Variants in PARVB observed in about 807,000 individuals in gnomAD.
The protein encoded by PARVB is parvin beta.
Under a neutral mutation model 47.0 loss-of-function variants are expected in PARVB, and 46 were observed. The observed-to-expected ratio is 0.98, with a 90% CI of 0.77 to 1.25. The LOEUF (loss-of-function observed/expected upper bound fraction) is 1.25, where lower values mean the gene tolerates loss of function less well. Among genes scored for constraint, PARVB ranks in the 50% most tolerant of loss-of-function variants. The pLI, the probability that PARVB is intolerant of heterozygous loss-of-function variation, is 0.00. For missense variants in PARVB, 473 were observed against 471.6 expected (o/e 1.00, Z -0.03); for synonymous variants, 196 against 196.3 (o/e 1.00, Z 0.01).
chr22:44,066,804 C>CCTCCTTCTCCTCCTCCTCCTT (rs745683370), intron 1 of PARVB, among the ~76,000 whole-genome samples: 2 of 131,086 alleles, frequency 1.5e-5, no homozygotes, highest in East Asian at 2.7e-4. Flanking sequence ...TCCTCCTCCT[C>CCTCCTTCTCCTCCTCCTCCTT]CTCCTCCTCC....
intron 4 of PARVB, among the ~76,000 whole-genome samples, chr22:44,127,983 G>C (rs1252252470): frequency 6.6e-6 from 1 of 152,104 alleles, no homozygotes; most frequent in Non-Finnish European, 1.5e-5. Context: ...CTGAGGTTTT[G>C]CCATGTTGCC....
chr22:44,147,277 C>A, intron 8 of PARVB: 1 of 211,764 alleles, frequency 4.7e-6, no homozygotes. Context: ...TGATAAGAAG[C>A]AGTTGGAGGG....
chr22:44,027,611 G>A (rs2050751876), intron 1 of PARVB, among the ~76,000 whole-genome samples: 1 of 152,168 alleles, frequency 6.6e-6, no homozygotes, highest in African/African-American at 2.4e-5. Context: ...AAATATGTAT[G>A]TGTGGGCCAG....
intron 11 of PARVB, 139 bp from the exon 12 acceptor site, chr22:44,163,719 G>A (rs995614275): frequency 6.2e-6 from 4 of 640,674 alleles, no homozygotes; most frequent in South Asian, 2.4e-5. Flanking sequence ...CCTGTGGCCC[G>A]CCCCGGGCTC....
intron 1 of PARVB, among the ~76,000 whole-genome samples, chr22:44,059,158 G>A (rs76833945): frequency 0.018 from 2,677 of 148,186 alleles, 48 homozygotes; most frequent in South Asian, 0.077. Flanking sequence ...CGATTCTTCT[G>A]CCTCAGCCTC....
intron 4 of PARVB, among the ~76,000 whole-genome samples, chr22:44,120,712 G>A (rs2053025940): frequency 6.8e-6 from 1 of 146,806 alleles, no homozygotes; most frequent in African/African-American, 2.8e-5. Flanking sequence ...ATCTCACTCA[G>A]TTGCCCAGGC....
At chr22:44,056,716 G>A (rs1382006407) in intron 1 of PARVB, among the ~76,000 whole-genome samples, 3 of 150,160 alleles carry the variant, frequency 2.0e-5, no homozygotes, top group African/African-American at 4.9e-5. Flanking sequence ...ATGTTGCCCA[G>A]GGTGGCCTCG....
Position 44,119,656 on chromosome 22 carries a change from G to A in PARVB, c.376+516G>A, listed in dbSNP as rs1470896668. ...GGTTTGATGTGCAGACAAACCGGTT[G>A]TTTATTCATCAGATGTTGGATGAGT... On this transcript the variant is annotated intron_variant, in intron 4 of 12. Coordinates refer to ENST00000338758, the MANE Select transcript of PARVB (RefSeq NM_013327.5). The A allele has an allele frequency of 6.9e-6, 3 of 435,202 alleles. No homozygotes were observed. The Admixed American group carries it at 7.4e-5, about 11-fold the overall frequency. The allele number at this position is 435,202 out of a possible 1,614,324, so 27.0% of individuals were successfully genotyped here. A position where few individuals can be genotyped will look rare whatever the true frequency, so the allele number is the denominator to read the frequency against.
chr22:44,046,539 G>A (rs1323946437), intron 1 of PARVB, among the ~76,000 whole-genome samples: 1 of 152,220 alleles, frequency 6.6e-6, no homozygotes, highest in Non-Finnish European at 1.5e-5. Context: ...CTCTCCTGTG[G>A]TTACTTGGCA....
chr22:44,137,081 G>T (rs1464855019), intron 7 of PARVB, among the ~76,000 whole-genome samples: 1 of 152,246 alleles, frequency 6.6e-6, no homozygotes, highest in Non-Finnish European at 1.5e-5. Context: ...AGAATTCACT[G>T]CATTTGTGCC....
intron 1 of PARVB, among the ~76,000 whole-genome samples, chr22:44,026,621 C>T (rs80029111): frequency 0.081 from 12,372 of 152,302 alleles, 639 homozygotes; most frequent in Middle Eastern, 0.18. Context: ...GCTTCTGCCA[C>T]TCCAGGGTGG....
At chr22:44,006,482 G>T (rs1054658318) in intron 2 of PARVB, among the ~76,000 whole-genome samples, 1 of 152,158 alleles carries the variant, frequency 6.6e-6, no homozygotes, top group Admixed American at 6.5e-5. Flanking sequence ...AAAATCAGTC[G>T]GGCGTGGTGG....
intron 1 of PARVB, chr22:44,069,102 C>G: frequency 9.9e-6 from 16 of 1,611,430 alleles, no homozygotes; most frequent in Non-Finnish European, 1.2e-5. Flanking sequence ...CCCGCCTGCC[C>G]TCCGACGTCC....
rs770142842 is a variant in PARVB, at chr22:44,151,509, C to T, written c.801C>T (p.His267=). 3.7e-6 allele frequency: 6 copies of T among 1,613,982 alleles called. No individual in the cohort carries two copies. The highest frequency in any genetic ancestry group is 1.7e-4 in the Middle Eastern group (1 of 6,060). Residue 267 remains histidine, a synonymous_variant, in exon 10 of 13, where the codon CAC becomes CAT. Coordinates refer to ENST00000338758, the MANE Select transcript of PARVB (RefSeq NM_013327.5). ...KKSLITFVNK[H]LNKLNLEVTE... ...CTCTCATCACTTTTGTGAACAAGCA[C>T]CTGAACAAGCTGAATTTGGAGGTGA... is the stretch of plus-strand genomic sequence containing the variant.
chr22:44,163,182 A>G (rs1376599584), intron 11 of PARVB, among the ~76,000 whole-genome samples: 1 of 152,196 alleles, frequency 6.6e-6, no homozygotes, highest in Non-Finnish European at 1.5e-5. Flanking sequence ...AAATGGGGTC[A>G]CTGTGGGCCA....
At chr22:44,104,241 G>T (rs986823309) in intron 3 of PARVB, 4 of 152,216 alleles carry the variant, frequency 2.6e-5, no homozygotes, top group African/African-American at 7.2e-5. Flanking sequence ...ATTCTGGAAG[G>T]CTCCACCTGC....
chr22:44,126,288 A>G (rs1017842259), intron 4 of PARVB, among the ~76,000 whole-genome samples: 2 of 152,228 alleles, frequency 1.3e-5, no homozygotes, highest in Non-Finnish European at 2.9e-5. Flanking sequence ...ATGAGATCCC[A>G]TGGTACAAGA....
At chr22:44,093,740 A>G (rs2052227844) in intron 1 of PARVB, among the ~76,000 whole-genome samples, 188 bp from the exon 2 acceptor site, 1 of 152,202 alleles carries the variant, frequency 6.6e-6, no homozygotes, top group Admixed American at 6.5e-5. Context: ...GTGGGGAGGA[A>G]CTGCAGAATG....
rs2052108041 is a variant in PARVB at position 44,089,358 on chromosome 22, C to T, written c.113-4570C>T. On this transcript the variant is annotated intron_variant, in intron 1 of 12. Transcript: ENST00000338758. This position sits in a 1 kb window ranked among gnomAD's most constrained non-coding sequence, Gnocchi z 4.0. ...TCACCCATCTCATGAAATCAAGCCC[C>T]AGTCCCTTGGAAGCTCACACCCTCC... is the stretch of plus-strand genomic sequence containing the variant. 6.6e-6 allele frequency: 1 copy of T among 152,408 alleles called. No homozygotes were observed. The highest frequency in any genetic ancestry group is 2.4e-5 in the African/African-American group (1 of 41,454). The allele number at this position is 152,408 out of a possible 1,614,324, so 9.4% of individuals were successfully genotyped here. A position where few individuals can be genotyped will look rare whatever the true frequency, so the allele number is the denominator to read the frequency against.
Sources: gnomAD v4.1 joint callset for allele counts (sites outside exome capture counted in the v4.1 genomes callset) on GRCh38, gnomAD v4.1.1 for gene constraint, Gnocchi (gnomAD v3.1) non-coding constraint, MANE v1.5 for transcripts, NCBI Gene and HGNC (gene_info 2026-07-23, HGNC 2026-07-21) for gene names.